The following DNAAF6 variants were observed in gnomAD, a reference collection of about 807,000 sequenced individuals.
DNAAF6 encodes the protein PIH1 domain containing 3.
DNAAF6 carries 3 observed loss-of-function variants against 13.7 expected under a neutral mutation model. The ratio of observed to expected loss-of-function variants is 0.22; its 90% CI spans 0.10 to 0.56. DNAAF6 has a LOEUF of 0.56. Among genes scored for constraint, DNAAF6 ranks in the 20% least tolerant of loss-of-function variants. DNAAF6 has a pLI of 0.92. For missense variants in DNAAF6, 130 were observed against 151.0 expected, an observed-to-expected ratio of 0.86 and a Z score of 0.73; for synonymous variants, 54 against 49.2, an observed-to-expected ratio of 1.10 and a Z score of -0.41.
intron 5 of DNAAF6, among the ~76,000 whole-genome samples, chrX:107,235,212 A>C (rs1385242314): frequency 1.8e-5 from 2 of 111,376 alleles, no homozygotes; most frequent in Non-Finnish European, 3.8e-5. Context: ...GATCTCACAA[A>C]CCTTAAATTA....
intron 5 of DNAAF6, 71 bp from the exon 6 acceptor site, chrX:107,238,851 T>G: frequency 8.5e-7 from 1 of 1,170,165 alleles, no homozygotes; most frequent in Non-Finnish European, 1.1e-6. Flanking sequence ...CTTTTCCCCA[T>G]ATATTCTTAT....
In DNAAF6 at chrX:107,218,920, C is replaced by A; in HGVS notation, c.283C>A (p.Pro95Thr). The change falls in exon 4 of 7, where the codon CCA becomes ACA. Residue 95 changes from proline (P) to threonine (T), a missense_variant. Physicochemically the swap from Pro to Thr is conservative, Grantham distance 38 (BLOSUM62 -1). Transcript: ENST00000372453. ...NEDIWNSEEI[P>T]EGAEYDDMWD... is the part of the protein sequence containing the mutation. Reference sequence around the variant, plus strand: ...GGACATCTGGAATTCAGAAGAGATTCCAGAAGGAGCAGAATATGATGATAT... The same window carrying A: ...GGACATCTGGAATTCAGAAGAGATTACAGAAGGAGCAGAATATGATGATAT... 1 of 1,192,117 alleles carries A rather than the reference C, an allele frequency of 8.4e-7. No individual in the cohort carries two copies.
rs755243821 is a variant in DNAAF6 at position 107,227,485 on chromosome X, A to C, written c.429+4644A>C. On this transcript the variant is annotated intron_variant, in intron 5 of 6. Transcript: ENST00000372453. ...CTATTCCCCTCTAGAGGATGGACCTAGTTTTTTTTTTTTGGTAGGCTTCCT... is the reference window on the plus strand; with the variant it reads ...CTATTCCCCTCTAGAGGATGGACCTCGTTTTTTTTTTTTGGTAGGCTTCCT... 2.7e-3 allele frequency among the ~76,000 whole-genome samples: 294 copies of C among 107,964 alleles called. 1 individual carries two copies. The highest frequency in any genetic ancestry group is 8.3e-3 in the African/African-American group (246 of 29,606). 93.8% of individuals were successfully genotyped at this position (107,964 alleles called of 115,157 possible).
chrX:107,208,789 G>T (rs967156779), intron 1 of DNAAF6, among the ~76,000 whole-genome samples: 2 of 111,188 alleles, frequency 1.8e-5, no homozygotes, highest in Admixed American at 1.9e-4. Context: ...CGCCGGCCTC[G>T]GCCTCCCAAA....
intron 5 of DNAAF6, among the ~76,000 whole-genome samples, chrX:107,225,145 G>C (rs1162430949): frequency 9.2e-6 from 1 of 109,052 alleles, no homozygotes; most frequent in Non-Finnish European, 1.9e-5. Context: ...CGGTAATAAT[G>C]GACTAGTAAG....
chrX:107,226,944 C>T (rs779982701), intron 5 of DNAAF6, among the ~76,000 whole-genome samples: 7 of 111,338 alleles, frequency 6.3e-5, no homozygotes, highest in Non-Finnish European at 1.3e-4. Flanking sequence ...CAGACACAAC[C>T]AGGAGTCACA....
intron 5 of DNAAF6, among the ~76,000 whole-genome samples, chrX:107,234,164 G>T (rs1602689065): frequency 9.0e-6 from 1 of 111,582 alleles, no homozygotes; most frequent in East Asian, 2.8e-4. Context: ...AAAGACAGGT[G>T]TGGCAATATA....
intron 5 of DNAAF6, among the ~76,000 whole-genome samples, chrX:107,225,733 C>T (rs1416317341): frequency 2.7e-5 from 3 of 111,502 alleles, no homozygotes; most frequent in Non-Finnish European, 5.6e-5. Flanking sequence ...AATCCTAAAT[C>T]AAAGCAACGG....
At chrX:107,227,152 T>G (rs1978449193) in intron 5 of DNAAF6, among the ~76,000 whole-genome samples, 1 of 111,738 alleles carries the variant, frequency 8.9e-6, no homozygotes, top group Non-Finnish European at 1.9e-5. Context: ...CAGGCTGGAG[T>G]GCAGCCTCAA....
intron 1 of DNAAF6, among the ~76,000 whole-genome samples, chrX:107,212,537 G>T (rs910982301): frequency 9.0e-5 from 10 of 111,517 alleles, no homozygotes; most frequent in African/African-American, 3.3e-4. Context: ...TTTTCTAGAG[G>T]TAGGGCTTAA....
At chrX:107,237,842 G>A (rs1375548829) in intron 5 of DNAAF6, among the ~76,000 whole-genome samples, 4 of 111,950 alleles carry the variant, frequency 3.6e-5, no homozygotes, top group Admixed American at 1.9e-4. Flanking sequence ...TTAGCCGGGC[G>A]TGGTGGCACG....
chrX:107,227,871 TGAGA>T (rs749835983), intron 5 of DNAAF6, among the ~76,000 whole-genome samples: 27 of 110,531 alleles, frequency 2.4e-4, no homozygotes, highest in African/African-American at 8.5e-4. Context: ...GGAGAAAAAT[TGAGA>T]GAGAGAGTGT....
intron 3 of DNAAF6, 130 bp from the exon 4 acceptor site, chrX:107,218,733 CA>C (rs1234164779): frequency 0.012 from 5,606 of 478,715 alleles, no homozygotes; most frequent in Non-Finnish European, 0.013. Context: ...TTGTTTTGAT[CA>C]AAAAAAAAAG....
At chrX:107,214,454 A>G (rs1176074356) in intron 2 of DNAAF6, among the ~76,000 whole-genome samples, 1 of 111,810 alleles carries the variant, frequency 8.9e-6, no homozygotes, top group Non-Finnish European at 1.9e-5. Flanking sequence ...CCCTGGTTAC[A>G]GAGCCTATTC....
At chrX:107,213,781 T>C (rs1927915727) in intron 2 of DNAAF6, among the ~76,000 whole-genome samples, 2 of 111,896 alleles carry the variant, frequency 1.8e-5, no homozygotes, top group South Asian at 7.5e-4. Context: ...CTGCCTATGA[T>C]AGGGCAAACA....
rs917020433 is a variant in DNAAF6 at position 107,243,353 on chromosome X, CTT to C, written c.*57_*58del. ...AATGGCATTGGTAACAATTAAAAAACTTTGAAAAAAATGATTGTTTTCTATAT... is the reference window on the plus strand; with the variant it reads ...AATGGCATTGGTAACAATTAAAAAACTGAAAAAAATGATTGTTTTCTATAT... On this transcript the variant is annotated 3_prime_UTR_variant, in exon 7 of 7. Coordinates refer to ENST00000372453, the MANE Select transcript of DNAAF6 (RefSeq NM_173494.2). The C allele has an allele frequency of 5.2e-6, 6 of 1,148,732 alleles. No individual in the cohort carries two copies. The highest frequency in any genetic ancestry group is 3.7e-5 in the African/African-American group (2 of 54,457). 94.7% of individuals were successfully genotyped at this position (1,148,732 alleles called of 1,213,427 possible).
intron 3 of DNAAF6, 132 bp from the exon 4 acceptor site, chrX:107,218,732 T>TA: frequency 3.5e-6 from 2 of 574,782 alleles, no homozygotes; most frequent in Non-Finnish European, 5.3e-6. Context: ...TTTGTTTTGA[T>TA]CAAAAAAAAA....
At chrX:107,219,885 C>G (rs1285491402) in intron 4 of DNAAF6, among the ~76,000 whole-genome samples, 1 of 109,878 alleles carries the variant, frequency 9.1e-6, no homozygotes, top group African/African-American at 3.3e-5. Flanking sequence ...CAACCTGCGC[C>G]CCTCCTGGGT....
chrX:107,239,913 C>T lies in DNAAF6; in HGVS notation c.515+906C>T, dbSNP rs777237544. ...GTACCCTTTTGTTGCATTTTATACACGAATTTACTCTTCCACATAACCTTT... is the reference window on the plus strand; with the variant it reads ...GTACCCTTTTGTTGCATTTTATACATGAATTTACTCTTCCACATAACCTTT... On this transcript the variant is annotated intron_variant, in intron 6 of 6. Coordinates refer to ENST00000372453, the MANE Select transcript of DNAAF6 (RefSeq NM_173494.2). 1.4e-4 allele frequency among the ~76,000 whole-genome samples: 16 copies of T among 111,702 alleles called. No homozygotes were observed. The South Asian group carries it at 5.3e-3, about 37-fold the overall frequency.
Sources: allele counts gnomAD v4.1 joint callset (sites outside exome capture counted in the v4.1 genomes callset), GRCh38; gene constraint gnomAD v4.1.1; transcripts MANE v1.5; gene names NCBI Gene and HGNC (gene_info 2026-07-23, HGNC 2026-07-21).